CRB1: variants seen among roughly 807,000 people sequenced by gnomAD.
CRB1 encodes protein crumbs homolog 1.
Under a neutral mutation model 120.0 loss-of-function variants are expected in CRB1, and 83 were observed. That is an observed-to-expected ratio of 0.69 (90% CI 0.58 to 0.83). The LOEUF is 0.83. Among genes scored for constraint, CRB1 ranks in the 40% least tolerant of loss-of-function variants. CRB1 has a pLI of 0.00. For synonymous variants in CRB1, 625 were observed against 612.5 expected (o/e 1.02, Z -0.30); for missense variants, 1,699 against 1,687.6 (o/e 1.01, Z -0.12).
chr1:197,242,247 C>T, the CRB1 span, among the ~76,000 whole-genome samples: 1 of 152,112 alleles, frequency 6.6e-6, no homozygotes, highest in Non-Finnish European at 1.5e-5. Context: ...ACATTCTTGT[C>T]TTCTGTCAGT....
At chr1:197,311,000 A>T (rs1389315178) in intron 1 of CRB1, among the ~76,000 whole-genome samples, 1 of 152,220 alleles carries the variant, frequency 6.6e-6, no homozygotes, top group Non-Finnish European at 1.5e-5. Context: ...CTGACATAGA[A>T]ATTTCCGATG....
intron 1 of CRB1, among the ~76,000 whole-genome samples, chr1:197,318,887 T>C (rs1390916612): frequency 6.6e-6 from 1 of 152,094 alleles, no homozygotes; most frequent in Admixed American, 6.6e-5. Context: ...TGCAAAGTTA[T>C]AGTTACACAG....
chr1:197,286,018 G>A (rs1655804275), intron 1 of CRB1, among the ~76,000 whole-genome samples: 1 of 151,766 alleles, frequency 6.6e-6, no homozygotes, highest in South Asian at 2.1e-4. Context: ...ATACAGACTT[G>A]AAAGAGTATA....
rs747523008 is a variant in CRB1, at chr1:197,347,330, T to C, written c.849-10T>C. On this transcript the variant is annotated splice_polypyrimidine_tract_variant and intron_variant, in intron 3 of 11. Coordinates refer to ENST00000367400, the MANE Select transcript of CRB1 (RefSeq NM_201253.3). ...TAAGAGTTGACATGAAAATTTCATT[T>C]ACTTTCCAGATATAGCTGTAACTGC... 2.2e-5 allele frequency: 36 copies of C among 1,612,812 alleles called. No homozygotes were observed. The South Asian group carries it at 3.6e-4, about 16-fold the overall frequency.
intron 8 of CRB1, among the ~76,000 whole-genome samples, chr1:197,433,041 T>C (rs1418575309): frequency 1.3e-5 from 2 of 150,390 alleles, no homozygotes; most frequent in Admixed American, 6.7e-5. Context: ...TTTTTTAACA[T>C]GGCAAAATTT....
At chr1:197,419,586 C>T (rs555337876) in intron 5 of CRB1, among the ~76,000 whole-genome samples, 16 of 152,062 alleles carry the variant, frequency 1.1e-4, no homozygotes, top group Non-Finnish European at 2.1e-4. Context: ...TGATCTGAAA[C>T]TCCTGGCCTT....
the CRB1 span, among the ~76,000 whole-genome samples, chr1:197,247,169 T>C: frequency 6.6e-6 from 1 of 152,082 alleles, no homozygotes. Flanking sequence ...TCTTGGTTAG[T>C]GCAAAATTTT....
chr1:197,332,502 A>G (rs189484800), intron 2 of CRB1, among the ~76,000 whole-genome samples: 1 of 152,368 alleles, frequency 6.6e-6, no homozygotes, highest in East Asian at 1.9e-4. Context: ...GAGACTCATA[A>G]GGCAGATAAA....
chr1:197,450,957 C>CA (rs11288525), intron 11 of CRB1, among the ~76,000 whole-genome samples: 5,160 of 56,480 alleles, frequency 0.091, 232 homozygotes, highest in Non-Finnish European at 0.11. Context: ...GACTCCGTCC[C>CA]AAAAAAAAAA....
chr1:197,344,506 C>T (rs763495768), intron 3 of CRB1, 30 bp downstream of exon 3: 11 of 1,590,448 alleles, frequency 6.9e-6, no homozygotes, highest in Non-Finnish European at 9.5e-6. Context: ...GGGTGATTGG[C>T]TTAGAACTCC....
intron 11 of CRB1, chr1:197,447,368 T>C (rs1407964541): frequency 6.6e-6 from 1 of 152,240 alleles, no homozygotes; most frequent in East Asian, 1.9e-4. Context: ...AAGATGGATG[T>C]TACCATTTTA....
At chr1:197,379,297 TC>T (rs1481705953) in intron 5 of CRB1, among the ~76,000 whole-genome samples, 5 of 152,154 alleles carry the variant, frequency 3.3e-5, no homozygotes, top group Admixed American at 6.5e-5. Flanking sequence ...ATTTTTCTTT[TC>T]TTTTCTTTCC....
the CRB1 span, among the ~76,000 whole-genome samples, chr1:197,221,268 T>C: frequency 6.6e-6 from 1 of 152,200 alleles, no homozygotes; most frequent in African/African-American, 2.4e-5. Flanking sequence ...CCTGATAGTA[T>C]GCCACTGATT....
At chr1:197,212,323 A>G in the CRB1 span, among the ~76,000 whole-genome samples, 5 of 152,296 alleles carry the variant, frequency 3.3e-5, no homozygotes, top group East Asian at 7.7e-4. Flanking sequence ...TACACAAAAG[A>G]TCATGACAGA....
At chr1:197,379,072 T>G (rs1022597192) in intron 5 of CRB1, among the ~76,000 whole-genome samples, 1 of 152,180 alleles carries the variant, frequency 6.6e-6, no homozygotes, top group Non-Finnish European at 1.5e-5. Context: ...AGATTCTATG[T>G]GATTAGAGTT....
At chr1:197,227,759 G>A in the CRB1 span, among the ~76,000 whole-genome samples, 1 of 152,006 alleles carries the variant, frequency 6.6e-6, no homozygotes, top group Non-Finnish European at 1.5e-5. Flanking sequence ...ACTCTGTGTG[G>A]GGGCTCCAAC....
At chr1:197,360,824 TGA>T (rs1660731547) in intron 5 of CRB1, among the ~76,000 whole-genome samples, 3 of 152,226 alleles carry the variant, frequency 2.0e-5, no homozygotes, top group Admixed American at 2.0e-4. Flanking sequence ...GTACGAGTTG[TGA>T]GAGCAGACGT....
intron 5 of CRB1, among the ~76,000 whole-genome samples, chr1:197,367,422 G>A (rs1661135259): frequency 6.6e-6 from 1 of 152,196 alleles, no homozygotes; most frequent in African/African-American, 2.4e-5. Flanking sequence ...ATGCCAGATA[G>A]AAGTTAGTGG....
At chr1:197,330,810 G>C (rs914107815) in intron 2 of CRB1, among the ~76,000 whole-genome samples, 1 of 151,626 alleles carries the variant, frequency 6.6e-6, no homozygotes, top group Non-Finnish European at 1.5e-5. Context: ...CCAAATGTTA[G>C]TTTCTAAAGG....
Sources: allele counts gnomAD v4.1 joint callset (sites outside exome capture counted in the v4.1 genomes callset), GRCh38; gene constraint gnomAD v4.1.1; transcripts MANE v1.5; gene names NCBI Gene and HGNC (gene_info 2026-07-23, HGNC 2026-07-21).